The following SEC14L3 variants were observed in gnomAD, a reference collection of about 807,000 sequenced individuals.
SEC14L3 encodes the protein SEC14-like protein 3.
SEC14L3 carries 56 observed loss-of-function variants against 57.4 expected under a neutral mutation model. The observed-to-expected ratio is 0.97, with a 90% CI of 0.79 to 1.22. The LOEUF (loss-of-function observed/expected upper bound fraction) is 1.22, where lower values mean the gene tolerates loss of function less well. Ranked by LOEUF, SEC14L3 falls within the 50% of genes most tolerant of loss-of-function variation. The pLI is 0.00. For missense variants in SEC14L3, 485 were observed against 511.7 expected (o/e 0.95, Z 0.50); for synonymous variants, 173 against 194.4 (o/e 0.89, Z 0.92).
exon 13 of SEC14L3, chr22:30,448,892 T>TA (rs1023104182): frequency 1.7e-6 from 1 of 577,622 alleles, no homozygotes; most frequent in Admixed American, 3.0e-5. Flanking sequence ...GCCCTGTCTC[T>TA]AAAAAACAAA....
chr22:30,464,062 T>G (rs1935344325), intron 8 of SEC14L3, among the ~76,000 whole-genome samples: 1 of 152,218 alleles, frequency 6.6e-6, no homozygotes, highest in Non-Finnish European at 1.5e-5. Context: ...TCCATGGCAT[T>G]AAATATTCAC....
intron 3 of SEC14L3, 67 bp from the exon 4 acceptor site, chr22:30,470,145 G>A (rs1935556804): frequency 1.9e-6 from 3 of 1,612,652 alleles, no homozygotes; most frequent in South Asian, 1.1e-5. Flanking sequence ...GATGGAAGGA[G>A]GGGCTTGAGG....
chr22:30,469,950 T>C, intron 4 of SEC14L3, 69 bp downstream of exon 4: 1 of 1,238,974 alleles, frequency 8.1e-7, no homozygotes, highest in Non-Finnish European at 1.1e-6. Context: ...CTGCCCCTCA[T>C]TCATGGTCCC....
downstream of SEC14L3, among the ~76,000 whole-genome samples, chr22:30,455,237 T>TTAATATATTATATA (rs1468643268): frequency 8.2e-5 from 10 of 122,350 alleles, no homozygotes; most frequent in African/African-American, 3.1e-4. Context: ...TATATAATAT[T>TTAATATATTATATA]TAATATATTA....
chr22:30,451,291 A>G (rs751564144), intron 12 of SEC14L3, among the ~76,000 whole-genome samples: 4 of 152,058 alleles, frequency 2.6e-5, no homozygotes, highest in Non-Finnish European at 4.4e-5. Context: ...GAGCGTGAAG[A>G]GATCATGGCT....
At chr22:30,460,756 AG>A (rs1189648276) in intron 11 of SEC14L3, among the ~76,000 whole-genome samples, 5 of 136,960 alleles carry the variant, frequency 3.7e-5, no homozygotes, top group African/African-American at 1.4e-4. Context: ...TGAACCCGGG[AG>A]GGGGAGGTTG....
chr22:30,469,261 T>C (rs1935524592), intron 4 of SEC14L3, among the ~76,000 whole-genome samples: 1 of 150,868 alleles, frequency 6.6e-6, no homozygotes. Context: ...CAGTGAGCCA[T>C]GATCATGACA....
At chr22:30,466,311 A>T in intron 7 of SEC14L3, 23 bp downstream of exon 7, 1 of 1,606,504 alleles carries the variant, frequency 6.2e-7, no homozygotes, top group Non-Finnish European at 8.5e-7. Flanking sequence ...AGGCACAAGT[A>T]AGTGAAGTCA....
At chr22:30,448,566 T>C (rs1442382878) in exon 13 of SEC14L3, 6 of 118,116 alleles carry the variant, frequency 5.1e-5, no homozygotes, top group Non-Finnish European at 6.9e-5. Context: ...TACATTCTCC[T>C]AAAAAAAAAA....
At chr22:30,448,925 T>C (rs1934928924) in exon 13 of SEC14L3, 2 of 634,008 alleles carry the variant, frequency 3.2e-6, no homozygotes, top group African/African-American at 3.7e-5. Flanking sequence ...CAAAACTTCT[T>C]TCCCTTCCTT....
chr22:30,454,539 A>ATT (rs1487419305), downstream of SEC14L3, among the ~76,000 whole-genome samples: 3 of 121,624 alleles, frequency 2.5e-5, no homozygotes, highest in South Asian at 2.3e-4. Context: ...AATCTATAAT[A>ATT]ATATTATATA....
chr22:30,455,136 A>AATATTAAATATATATT (rs1569225668), downstream of SEC14L3, among the ~76,000 whole-genome samples: 67 of 94,880 alleles, frequency 7.1e-4, no homozygotes, highest in African/African-American at 2.6e-3. Flanking sequence ...TATTATATTT[A>AATATTAAATATATATT]ATATTTAATA....
rs1010301949 is a variant in SEC14L3, at chr22:30,459,394, T to C, written c.*627A>G. The C allele has an allele frequency of 7.4e-5, 73 of 985,472 alleles. No homozygotes were observed. Among genetic ancestry groups the C allele is most frequent in the Non-Finnish European group, 8.7e-5 (72 of 829,968 alleles). 61.0% of individuals were successfully genotyped at this position (985,472 alleles called of 1,614,324 possible). A position where few individuals can be genotyped will look rare whatever the true frequency, so the allele number is the denominator to read the frequency against. On this transcript the variant is annotated 3_prime_UTR_variant, in exon 12 of 12. Transcript: ENST00000215812. ...GTAGGCAGCTCCTATCAGAGGCATG[T>C]GGCCTTTGTGGCTGGGGCCCTCAAA...
chr22:30,462,060 T>C, intron 9 of SEC14L3, 26 bp downstream of exon 9: 3 of 1,610,212 alleles, frequency 1.9e-6, no homozygotes, highest in Non-Finnish European at 2.5e-6. Context: ...TGAACCTCTC[T>C]TGTCCCAGGG....
At chr22:30,461,963 T>C (rs1935281882) in intron 9 of SEC14L3, 123 bp downstream of exon 9, 1 of 1,133,436 alleles carries the variant, frequency 8.8e-7, no homozygotes, top group Non-Finnish European at 1.3e-6. Flanking sequence ...AGGGTTGTAT[T>C]GACTAGCTTA....
At chr22:30,462,027 G>A in intron 9 of SEC14L3, 59 bp downstream of exon 9, 1 of 1,537,550 alleles carries the variant, frequency 6.5e-7, no homozygotes, top group Non-Finnish European at 8.9e-7. Context: ...TGACTGAGTG[G>A]AAAGGGAATC....
downstream of SEC14L3, among the ~76,000 whole-genome samples, chr22:30,455,031 T>TTA (rs1208574700): frequency 3.5e-4 from 27 of 77,320 alleles, no homozygotes; most frequent in Non-Finnish European, 5.3e-4. Flanking sequence ...ATATAATATA[T>TTA]TATATTATAT....
rs1224653613 is a variant in SEC14L3 at position 30,459,531 on chromosome 22, G to A, written c.*490C>T. 4.1e-6 allele frequency: 4 copies of A among 985,972 alleles called. No homozygotes were observed. The African/African-American group carries it at 7.0e-5, about 17-fold the overall frequency. The allele number at this position is 985,972 out of a possible 1,614,324, so 61.1% of individuals were successfully genotyped here. On this transcript the variant is annotated 3_prime_UTR_variant, in exon 12 of 12. Coordinates refer to ENST00000215812, the MANE Select transcript of SEC14L3 (RefSeq NM_174975.5). ...AGGTGCTGAAATCCACCCCACATAG[G>A]CTCCTCCTAATCATGTACAGCTGTT...
chr22:30,451,726 A>T (rs114343905), intron 12 of SEC14L3, among the ~76,000 whole-genome samples: 2,984 of 152,070 alleles, frequency 0.02, 97 homozygotes, highest in African/African-American at 0.068. Context: ...CCGGTGCCTC[A>T]AGCCTGTAAC....
Sources: gnomAD v4.1 joint callset for allele counts (sites outside exome capture counted in the v4.1 genomes callset) on GRCh38, gnomAD v4.1.1 for gene constraint, MANE v1.5 for transcripts, NCBI Gene and HGNC (gene_info 2026-07-23, HGNC 2026-07-21) for gene names.